The following POLK variants were observed in gnomAD, a reference collection of about 807,000 sequenced individuals.
The protein encoded by POLK is polymerase (DNA directed) kappa.
A neutral mutation model predicts 94.0 loss-of-function variants in POLK; 76 were observed. That is an observed-to-expected ratio of 0.81 (90% confidence interval 0.67 to 0.98). POLK has a LOEUF of 0.98. POLK is among the 50% of genes least tolerant of loss of function. The pLI is 0.00. For synonymous variants in POLK, 349 were observed against 325.4 expected (o/e 1.07, Z -0.78); for missense variants, 954 against 1,010.1 (o/e 0.94, Z 0.75).
chr5:75,548,721 T>G (rs538375768), intron 2 of POLK, among the ~76,000 whole-genome samples: 1 of 152,046 alleles, frequency 6.6e-6, no homozygotes, highest in East Asian at 1.9e-4. Context: ...GGAAAGTGTG[T>G]GTGTGTGTAT....
chr5:75,534,727 G>A (rs888260243), intron 1 of POLK: 7 of 152,144 alleles, frequency 4.6e-5, no homozygotes, highest in African/African-American at 1.7e-4. Context: ...ATTATGTAAT[G>A]TCCCTCTTTG....
downstream of POLK, among the ~76,000 whole-genome samples, chr5:75,602,675 G>A (rs1049410438): frequency 2.0e-5 from 3 of 152,160 alleles, no homozygotes; most frequent in Admixed American, 6.5e-5. Flanking sequence ...TGGGCTATGC[G>A]TTTTGAATAT....
At chr5:75,596,999 G>A (rs1773126841) in exon 13 of POLK, 1 of 1,613,782 alleles carries the variant, frequency 6.2e-7, no homozygotes, top group Non-Finnish European at 8.5e-7. Context: ...CCTTACTTAT[G>A]TGAAGTGAAA....
At chr5:75,604,148 T>C (rs1313130839), downstream of POLK, among the ~76,000 whole-genome samples, 5 of 152,236 alleles carry the variant, frequency 3.3e-5, no homozygotes, top group African/African-American at 1.2e-4. Context: ...TAAGGGCTGC[T>C]GTCACACTGG....
rs537301753 is a variant in POLK, at chr5:75,578,182, G to T, written c.694+1249G>T. ...ATTTTTTTCTTTTTTTTGAGATAGGGTCTCACTGTGTTGCCCAGGCTGGAG... is the reference window on the plus strand; with the variant it reads ...ATTTTTTTCTTTTTTTTGAGATAGGTTCTCACTGTGTTGCCCAGGCTGGAG... On this transcript the variant is annotated intron_variant, in intron 6 of 14. Transcript: ENST00000241436. Among the ~76,000 whole-genome samples, 20 of 152,208 alleles carry T rather than the reference G, an allele frequency of 1.3e-4. 1 individual carries two copies. Among genetic ancestry groups the T allele is most frequent in the East Asian group, 1.9e-4 (1 of 5,186 alleles).
intron 3 of POLK, among the ~76,000 whole-genome samples, chr5:75,552,997 A>C (rs1433544212): frequency 6.6e-6 from 1 of 152,172 alleles, no homozygotes; most frequent in Non-Finnish European, 1.5e-5. Context: ...AATTTGAGGA[A>C]TATGTTAACT....
At position 75,541,678 on chromosome 5, in the gene POLK, C is replaced by T. The variant is rs150564007; in HGVS notation, c.-13-5332C>T. Among the ~76,000 whole-genome samples the T allele has an allele frequency of 2.8e-4, 42 of 152,284 alleles. 2 individuals carry two copies. Among genetic ancestry groups the T allele is most frequent in the African/African-American group, 9.9e-4 (41 of 41,566 alleles). On this transcript the variant is annotated intron_variant, in intron 1 of 14. Transcript: ENST00000241436. Reference sequence around the variant, plus strand: ...TTATTTCTGTTCTTTCTCTCAGTGACACATGTAAATGAGAAAATCATTCAA... The same window carrying T: ...TTATTTCTGTTCTTTCTCTCAGTGATACATGTAAATGAGAAAATCATTCAA...
At chr5:75,553,581 C>T (rs1770435669) in intron 3 of POLK, among the ~76,000 whole-genome samples, 2 of 152,272 alleles carry the variant, frequency 1.3e-5, no homozygotes, top group South Asian at 4.1e-4. Context: ...TCACAGCATT[C>T]CACTGTGTGG....
intron 12 of POLK, among the ~76,000 whole-genome samples, chr5:75,594,564 T>C (rs1229425971): frequency 6.6e-6 from 1 of 152,236 alleles, no homozygotes; most frequent in African/African-American, 2.4e-5. Context: ...ATTCAGTGCA[T>C]GTAGAGTATA....
chr5:75,541,672 C>G (rs755247454), intron 1 of POLK, among the ~76,000 whole-genome samples: 16 of 152,170 alleles, frequency 1.1e-4, no homozygotes, highest in Non-Finnish European at 2.4e-4. Context: ...TTCTTTCTCT[C>G]AGTGACACAT....
At chr5:75,594,203 A>G (rs540263249) in intron 12 of POLK, among the ~76,000 whole-genome samples, 154 bp downstream of exon 12, 1 of 152,248 alleles carries the variant, frequency 6.6e-6, no homozygotes, top group East Asian at 1.9e-4. Flanking sequence ...CTTTCAGTAC[A>G]CTCTTGACTT....
In POLK at chr5:75,596,393, T is replaced by G. The variant is rs564665463; in HGVS notation, c.1700T>G (p.Phe567Cys). Reference sequence around the variant, plus strand: ...CTAGAAATGTCTCATAAGAAGAGTTTCTTTGATAAAAAACGATCAGAAAGG... The same window carrying G: ...CTAGAAATGTCTCATAAGAAGAGTTGCTTTGATAAAAAACGATCAGAAAGG... Residue 567 changes from phenylalanine to cysteine, a missense_variant, in exon 13 of 15, where the codon TTC (phenylalanine) becomes TGC (cysteine). Physicochemically the swap from Phe to Cys is radical, Grantham distance 205. Transcript: ENST00000241436. The G allele has an allele frequency of 2.4e-5, 38 of 1,613,920 alleles. No homozygotes were observed. In the Admixed American group the frequency reaches 4.8e-4, roughly 21 times the overall value.
chr5:75,550,145 T>C (rs1770262137), intron 2 of POLK, among the ~76,000 whole-genome samples: 1 of 152,168 alleles, frequency 6.6e-6, no homozygotes, highest in African/African-American at 2.4e-5. Flanking sequence ...AGTATCACCC[T>C]GATACCAAAG....
chr5:75,543,696 A>G (rs1199627965), intron 1 of POLK, among the ~76,000 whole-genome samples: 1 of 152,222 alleles, frequency 6.6e-6, no homozygotes, highest in Non-Finnish European at 1.5e-5. Flanking sequence ...TTTCATGGTA[A>G]TTAGGTATCA....
intron 4 of POLK, 83 bp from the exon 5 acceptor site, chr5:75,573,655 T>TA: frequency 8.8e-7 from 1 of 1,136,756 alleles, no homozygotes; most frequent in Non-Finnish European, 1.3e-6. Flanking sequence ...AATGCACATA[T>TA]TAATGTGTTT....
intron 3 of POLK, among the ~76,000 whole-genome samples, chr5:75,568,945 A>G (rs1228350370): frequency 1.3e-5 from 2 of 152,200 alleles, no homozygotes; most frequent in East Asian, 1.9e-4. Context: ...TGATAAAAGC[A>G]GTTGGATTAG....
the POLK span, among the ~76,000 whole-genome samples, chr5:75,607,126 C>A: frequency 2.0e-5 from 3 of 152,160 alleles, no homozygotes; most frequent in Non-Finnish European, 4.4e-5. Flanking sequence ...CTCACACCCT[C>A]CCAGCTAGGG....
At chr5:75,605,126 C>T (rs1429031380), downstream of POLK, among the ~76,000 whole-genome samples, 2 of 116,204 alleles carry the variant, frequency 1.7e-5, no homozygotes, top group African/African-American at 6.4e-5. Context: ...CATACACACA[C>T]ACACACACAC....
chr5:75,596,231 TA>T lies in POLK; in HGVS notation c.1539del (p.Ser514LeufsTer34), dbSNP rs771503242. 6.4e-6 allele frequency: 10 copies of T among 1,572,038 alleles called. No homozygotes were observed. The highest frequency in any genetic ancestry group is 8.7e-6 in the Non-Finnish European group (10 of 1,154,066). ...GATTGGTTTAATTTAGGTGTTCGGA[TA>T]TCTAGTTTTCCCAATGAAGAGGACA... On this transcript the variant is annotated frameshift_variant, in exon 13 of 15. Coordinates refer to ENST00000241436, the Ensembl canonical transcript of POLK. LOFTEE classifies it high-confidence loss of function.
Sources: allele counts gnomAD v4.1 joint callset (sites outside exome capture counted in the v4.1 genomes callset), GRCh38; gene constraint gnomAD v4.1.1; transcripts MANE v1.5; gene names NCBI Gene and HGNC (gene_info 2026-07-23, HGNC 2026-07-21).